ALG1: variants seen among roughly 807,000 people sequenced by gnomAD.
ALG1 encodes the protein chitobiosyldiphosphodolichol beta-mannosyltransferase.
Under a neutral mutation model 55.1 loss-of-function variants are expected in ALG1, and 58 were observed. The ratio of observed to expected loss-of-function variants is 1.05; its 90% confidence interval spans 0.85 to 1.31. The LOEUF is 1.31. ALG1 is among the 50% of genes most tolerant of loss of function. The pLI, the probability that ALG1 is intolerant of heterozygous loss-of-function variation, is 0.00. For synonymous variants in ALG1, 309 were observed against 247.0 expected (o/e 1.25, Z -2.35); for missense variants, 761 against 598.6 (o/e 1.27, Z -2.83).
chr16:5,080,311 C>T (rs1956995111), intron 9 of ALG1, among the ~76,000 whole-genome samples: 1 of 152,100 alleles, frequency 6.6e-6, no homozygotes, highest in African/African-American at 2.4e-5. Context: ...GTGATCCACC[C>T]GCCTTGGCCT....
Position 5,083,666 on chromosome 16 carries a change from T to G in ALG1, c.1188-16T>G. 6.2e-7 allele frequency: 1 copy of G among 1,600,846 alleles called. No homozygotes were observed. Among genetic ancestry groups the G allele is most frequent in the African/African-American group, 1.3e-5 (1 of 74,962 alleles). On this transcript the variant is annotated splice_polypyrimidine_tract_variant and intron_variant, in intron 11 of 12. Coordinates refer to ENST00000262374, the MANE Select transcript of ALG1 (RefSeq NM_019109.5). Reference sequence around the variant, plus strand: ...TTCTACAGGCAGCTCTCAGGCTCCCTTGGTTCTCTCTGCAGTTTACATGAG... The same window carrying G: ...TTCTACAGGCAGCTCTCAGGCTCCCGTGGTTCTCTCTGCAGTTTACATGAG...
At chr16:5,083,236 C>T (rs1056287913) in intron 11 of ALG1, among the ~76,000 whole-genome samples, 4 of 152,108 alleles carry the variant, frequency 2.6e-5, no homozygotes, top group South Asian at 2.1e-4. Flanking sequence ...GCTCAGGAGC[C>T]GGCCCCTGGA....
At chr16:5,080,042 CTTT>C (rs1041936875) in intron 9 of ALG1, among the ~76,000 whole-genome samples, 28 of 146,742 alleles carry the variant, frequency 1.9e-4, no homozygotes, top group African/African-American at 7.0e-4. Flanking sequence ...TTCCAAGCAT[CTTT>C]TTTTTGTTGT....
chr16:5,084,666 G>A (rs1294154679), intron 12 of ALG1, 84 bp from the exon 13 acceptor site: 50 of 1,586,656 alleles, frequency 3.2e-5, no homozygotes, highest in Admixed American at 1.4e-4. Flanking sequence ...TTGTTGGGTC[G>A]GGGACCTGGG....
At chr16:5,076,016 A>T (rs764901989) in intron 4 of ALG1, among the ~76,000 whole-genome samples, 1 of 152,206 alleles carries the variant, frequency 6.6e-6, no homozygotes, top group Non-Finnish European at 1.5e-5. Flanking sequence ...GGGTGAGGGC[A>T]GATCCCCAAA....
Position 5,082,662 on chromosome 16 carries a change from G to C in ALG1, c.1176G>C (p.Val392=). The C allele has an allele frequency of 6.2e-7, 1 of 1,611,678 alleles. No individual in the cohort carries two copies. Residue 392 remains valine, a synonymous_variant, in exon 11 of 13, where the codon GTG becomes GTC. Transcript: ENST00000262374. ...GGTGCTGTTTGCCTGTGTGTGCTGT[G>C]AACTTCAAGTGGTAGGAGCAGAACC... The part of the protein sequence containing the change: ...MFGCCLPVCA[V]NFKCLHELVK...
intron 5 of ALG1, among the ~76,000 whole-genome samples, 175 bp downstream of exon 5, chr16:5,077,709 T>C (rs1434715429): frequency 6.6e-6 from 1 of 152,168 alleles, no homozygotes; most frequent in African/African-American, 2.4e-5. Flanking sequence ...AGTTTCTTTC[T>C]TAGCCAGCCA....
intron 11 of ALG1, among the ~76,000 whole-genome samples, 179 bp from the exon 12 acceptor site, chr16:5,083,503 C>T (rs1957053016): frequency 6.6e-6 from 1 of 152,160 alleles, no homozygotes; most frequent in African/African-American, 2.4e-5. Flanking sequence ...ATGTGCACCC[C>T]CCCAGGCCTT....
Position 5,078,706 on chromosome 16 carries a change from G to C in ALG1, c.741-51G>C, listed in dbSNP as rs1315516746. On this transcript the variant is annotated intron_variant, in intron 6 of 12. Coordinates refer to ENST00000262374, the MANE Select transcript of ALG1 (RefSeq NM_019109.5). ...CCACGGCAGGAGATGCCTCTCCTGGGTCCCGGGCCTGCTCTATGGCCTCTC... is the reference window on the plus strand; with the variant it reads ...CCACGGCAGGAGATGCCTCTCCTGGCTCCCGGGCCTGCTCTATGGCCTCTC... The C allele has an allele frequency of 6.8e-6, 11 of 1,611,732 alleles. No homozygotes were observed. In the African/African-American group the frequency reaches 1.2e-4, roughly 18 times the overall value.
intron 10 of ALG1, 66 bp from the exon 11 acceptor site, chr16:5,082,493 G>C (rs1957032653): frequency 2.6e-6 from 4 of 1,538,946 alleles, no homozygotes; most frequent in Non-Finnish European, 3.6e-6. Flanking sequence ...CTGCCTCACT[G>C]TGCTGGGAGG....
At chr16:5,083,375 A>T (rs532141924) in intron 11 of ALG1, among the ~76,000 whole-genome samples, 8 of 152,218 alleles carry the variant, frequency 5.3e-5, no homozygotes, top group Non-Finnish European at 1.0e-4. Flanking sequence ...TACTTGTTCC[A>T]TGGCCATGGA....
chr16:5,073,347 G>A, intron 3 of ALG1, 91 bp downstream of exon 3: 1 of 1,135,134 alleles, frequency 8.8e-7, no homozygotes, highest in Non-Finnish European at 1.3e-6. Flanking sequence ...ATTCATATGT[G>A]TGTGTGTTGT....
At position 5,085,564 on chromosome 16, in the gene ALG1, C is replaced by G. The variant is rs1053501736; in HGVS notation, c.*683C>G. ...GTCCAATGAAAGTTTTATCCGCTTT[C>G]CCATATAAAAATTCTTCCCATGAGA... On this transcript the variant is annotated 3_prime_UTR_variant, in exon 13 of 13. Coordinates refer to ENST00000262374, the MANE Select transcript of ALG1 (RefSeq NM_019109.5). 1 of 1,144,570 alleles carries G rather than the reference C, an allele frequency of 8.7e-7. No individual in the cohort carries two copies. The highest frequency in any genetic ancestry group is 1.5e-5 in the African/African-American group (1 of 65,706). The allele number at this position is 1,144,570 out of a possible 1,614,324, so 70.9% of individuals were successfully genotyped here.
chr16:5,077,432 T>C lies in ALG1; in HGVS notation c.540-13T>C, dbSNP rs201477967. Reference sequence around the variant, plus strand: ...TGTCTAGGGCTCTGCTGACTGCTGATCTCTCTTTTCAGGTACGAGAAGTTC... The same window carrying C: ...TGTCTAGGGCTCTGCTGACTGCTGACCTCTCTTTTCAGGTACGAGAAGTTC... On this transcript the variant is annotated splice_polypyrimidine_tract_variant and intron_variant, in intron 4 of 12. Transcript: ENST00000262374. 2.6e-4 allele frequency: 412 copies of C among 1,612,578 alleles called. 3 individuals are homozygous for C. The highest frequency in any genetic ancestry group is 2.4e-4 in the Non-Finnish European group (278 of 1,178,738).
At chr16:5,077,413 G>A in intron 4 of ALG1, 32 bp from the exon 5 acceptor site, 2 of 1,592,948 alleles carry the variant, frequency 1.3e-6, no homozygotes, top group Non-Finnish European at 1.7e-6. Flanking sequence ...GGCCTGTCTA[G>A]GGCTCTGCTG....
At chr16:5,080,256 G>GTTTTA in intron 9 of ALG1, among the ~76,000 whole-genome samples, 1 of 151,900 alleles carries the variant, frequency 6.6e-6, no homozygotes, top group African/African-American at 2.4e-5. Context: ...GTAGAGACAG[G>GTTTTA]GTTTCACCAT....
intron 3 of ALG1, among the ~76,000 whole-genome samples, chr16:5,074,131 C>T (rs1044117639): frequency 6.6e-6 from 1 of 151,490 alleles, no homozygotes; most frequent in Admixed American, 6.6e-5. Context: ...TATATAGAAG[C>T]ACCTTCCTCT....
At position 5,080,895 on chromosome 16, in the gene ALG1, G is replaced by A. The variant is rs764236236; in HGVS notation, c.962-51G>A. ...GGGAGTGTCTTGGGCCTGGGGCCAC[G>A]TGGCAGGGACAGAGATGGGTCCATG... is the stretch of plus-strand genomic sequence containing the variant. On this transcript the variant is annotated intron_variant, in intron 9 of 12. Transcript: ENST00000262374. The A allele has an allele frequency of 1.8e-5, 29 of 1,588,428 alleles. No homozygotes were observed. The African/African-American group carries it at 2.0e-4, about 11-fold the overall frequency.
In ALG1 at chr16:5,071,861, A is replaced by C; in HGVS notation, c.12A>C (p.Ser4=). 6.2e-7 allele frequency: 1 copy of C among 1,605,140 alleles called. No individual in the cohort carries two copies. Among genetic ancestry groups the C allele is most frequent in the East Asian group, 2.2e-5 (1 of 44,734 alleles). ...GCGGGCCAGCCAAGATGGCGGCCTCATGCTTGGTCCTGCTGGCGCTGTGTC... is the reference window on the plus strand; with the variant it reads ...GCGGGCCAGCCAAGATGGCGGCCTCCTGCTTGGTCCTGCTGGCGCTGTGTC... MAA[S]CLVLLALCLL... Residue 4 remains serine (S), a synonymous_variant, in exon 1 of 13, where the codon TCA becomes TCC. Coordinates refer to ENST00000262374, the MANE Select transcript of ALG1 (RefSeq NM_019109.5).
Sources: allele counts gnomAD v4.1 joint callset (sites outside exome capture counted in the v4.1 genomes callset), GRCh38; gene constraint gnomAD v4.1.1; transcripts MANE v1.5; gene names NCBI Gene and HGNC (gene_info 2026-07-23, HGNC 2026-07-21).